The following HHAT variants were observed in gnomAD, a reference collection of about 807,000 sequenced individuals.
HHAT encodes protein-cysteine N-palmitoyltransferase HHAT.
In HHAT, 47 loss-of-function variants were observed where a neutral mutation model predicts 70.8. That is an observed-to-expected ratio of 0.66 (90% CI 0.53 to 0.85). The LOEUF (loss-of-function observed/expected upper bound fraction) is 0.85. HHAT is among the 40% of genes least tolerant of loss of function. HHAT has a pLI of 0.00. For synonymous variants in HHAT, 228 were observed against 247.6 expected (o/e 0.92, Z 0.74); for missense variants, 609 against 604.8 (o/e 1.01, Z -0.07).
At chr1:210,508,043 C>CA (rs1046101742) in intron 8 of HHAT, among the ~76,000 whole-genome samples, 3 of 150,848 alleles carry the variant, frequency 2.0e-5, no homozygotes, top group African/African-American at 7.3e-5. Flanking sequence ...ACTAAAAATA[C>CA]AAAAAATTAG....
chr1:210,446,975 G>T (rs2093647592), intron 7 of HHAT, among the ~76,000 whole-genome samples: 1 of 152,150 alleles, frequency 6.6e-6, no homozygotes, highest in African/African-American at 2.4e-5. Flanking sequence ...TAAAACAATA[G>T]ATAGCTAATA....
intron 1 of HHAT, among the ~76,000 whole-genome samples, chr1:210,333,384 A>T (rs1402797431): frequency 6.6e-6 from 1 of 152,170 alleles, no homozygotes; most frequent in East Asian, 1.9e-4. Context: ...TGATCAGGCC[A>T]CTGCACTCTA....
At chr1:210,383,878 C>G (rs923361125) in intron 3 of HHAT, among the ~76,000 whole-genome samples, 2 of 152,160 alleles carry the variant, frequency 1.3e-5, no homozygotes, top group Non-Finnish European at 1.5e-5. Flanking sequence ...GAAGAAAGGA[C>G]AGGTCTGTCA....
intron 9 of HHAT, among the ~76,000 whole-genome samples, chr1:210,519,154 C>G (rs12124208): frequency 0.11 from 16,775 of 152,216 alleles, 1,195 homozygotes; most frequent in South Asian, 0.18. Flanking sequence ...TCCTTGGCCC[C>G]TCAACTCTGA....
At chr1:210,394,485 T>TG (rs1206311316) in intron 4 of HHAT, among the ~76,000 whole-genome samples, 1 of 152,126 alleles carries the variant, frequency 6.6e-6, no homozygotes, top group Non-Finnish European at 1.5e-5. Context: ...ACGCCAACTG[T>TG]GGCCTCACTA....
chr1:210,520,414 G>A (rs1490187395), intron 9 of HHAT, among the ~76,000 whole-genome samples: 1 of 152,016 alleles, frequency 6.6e-6, no homozygotes, highest in Non-Finnish European at 1.5e-5. Flanking sequence ...GTTTTTCAGT[G>A]GTTTTGTAGA....
chr1:210,541,973 A>G (rs1415061652), intron 9 of HHAT, among the ~76,000 whole-genome samples: 1 of 152,170 alleles, frequency 6.6e-6, no homozygotes, highest in Non-Finnish European at 1.5e-5. Flanking sequence ...ATTCCAGGGA[A>G]TGTCTGTGAC....
Position 210,334,311 on chromosome 1 carries a change from A to G in HHAT, c.-44+5207A>G, listed in dbSNP as rs114390546. Among the ~76,000 whole-genome samples, 482 of 150,728 alleles carry G rather than the reference A, an allele frequency of 3.2e-3. 2 individuals are homozygous for G. Among genetic ancestry groups the G allele is most frequent in the African/African-American group, 0.011 (439 of 40,990 alleles). On this transcript the variant is annotated intron_variant, in intron 1 of 11. Transcript: ENST00000261458. ...GCTGGGGCTACTGGCATGCAACACC[A>G]TTCCTGGCTAATTTTTGTATTTTTA...
intron 8 of HHAT, among the ~76,000 whole-genome samples, chr1:210,464,944 G>A (rs2094068627): frequency 1.3e-5 from 2 of 152,160 alleles, no homozygotes; most frequent in African/African-American, 2.4e-5. Context: ...CCTGGGAAAG[G>A]CTACTGTATC....
chr1:210,334,880 C>T lies in HHAT; in HGVS notation c.-44+5776C>T, dbSNP rs898439857. Reference sequence around the variant, plus strand: ...AGGTTTTTCCAATAAAATATATTACCAAAGACACAAAAACTAGAAAAAATG... The same window carrying T: ...AGGTTTTTCCAATAAAATATATTACTAAAGACACAAAAACTAGAAAAAATG... On this transcript the variant is annotated intron_variant, in intron 1 of 11. Transcript: ENST00000261458. Among the ~76,000 whole-genome samples, 5 of 151,774 alleles carry T rather than the reference C, an allele frequency of 3.3e-5. No individual in the cohort carries two copies. The East Asian group carries it at 9.7e-4, about 29-fold the overall frequency.
chr1:210,632,771 A>G (rs1456283050), intron 11 of HHAT, among the ~76,000 whole-genome samples: 1 of 152,194 alleles, frequency 6.6e-6, no homozygotes, highest in African/African-American at 2.4e-5. Context: ...CTTACTTCCT[A>G]TATCAATAAG....
At chr1:210,560,832 A>C (rs866492766) in intron 9 of HHAT, among the ~76,000 whole-genome samples, 2,828 of 143,144 alleles carry the variant, frequency 0.02, 179 homozygotes, top group African/African-American at 0.07. Flanking sequence ...AAAAAAAAAA[A>C]AAAAAAAAAA....
At chr1:210,526,744 A>T (rs1025021802) in intron 9 of HHAT, among the ~76,000 whole-genome samples, 54 of 152,170 alleles carry the variant, frequency 3.5e-4, no homozygotes, top group African/African-American at 1.3e-3. Flanking sequence ...TGCTGTTTCT[A>T]ATATTAGAGA....
chr1:210,626,139 G>A (rs779196687), intron 11 of HHAT, among the ~76,000 whole-genome samples: 5 of 152,188 alleles, frequency 3.3e-5, no homozygotes, highest in South Asian at 2.1e-4. Context: ...AATTAACCAC[G>A]GAGCTGTGTA....
At chr1:210,516,310 G>A (rs191547836) in intron 9 of HHAT, among the ~76,000 whole-genome samples, 3 of 152,196 alleles carry the variant, frequency 2.0e-5, no homozygotes, top group East Asian at 3.9e-4. Context: ...TGGAGAGGGC[G>A]GGTGGAGTGG....
intron 11 of HHAT, among the ~76,000 whole-genome samples, chr1:210,623,980 T>C (rs969394922): frequency 6.6e-6 from 1 of 152,222 alleles, no homozygotes; most frequent in African/African-American, 2.4e-5. Context: ...TATTTCTTAA[T>C]CTTTCCTACT....
intron 8 of HHAT, among the ~76,000 whole-genome samples, chr1:210,510,625 T>A (rs1332387133): frequency 6.6e-6 from 1 of 152,192 alleles, no homozygotes; most frequent in Non-Finnish European, 1.5e-5. Context: ...AACCCTGCTT[T>A]TAGCAGGGTG....
At chr1:210,634,289 G>A (rs1186091929) in intron 11 of HHAT, among the ~76,000 whole-genome samples, 1 of 152,172 alleles carries the variant, frequency 6.6e-6, no homozygotes, top group African/African-American at 2.4e-5. Context: ...CCACCCTGTT[G>A]ATGACAAGGG....
chr1:210,330,049 T>A (rs1275060238), intron 1 of HHAT, among the ~76,000 whole-genome samples: 1 of 152,186 alleles, frequency 6.6e-6, no homozygotes, highest in African/African-American at 2.4e-5. Flanking sequence ...GCCTGGCATC[T>A]CATTCATTCT....
Sources: gnomAD v4.1 joint callset for allele counts (sites outside exome capture counted in the v4.1 genomes callset) on GRCh38, gnomAD v4.1.1 for gene constraint, MANE v1.5 for transcripts, NCBI Gene and HGNC (gene_info 2026-07-23, HGNC 2026-07-21) for gene names.